Variants in GLI3 observed in about 807,000 individuals in gnomAD.
The protein encoded by GLI3 is transcription activator GLI3.
Under a neutral mutation model 100.8 loss-of-function variants are expected in GLI3, and 20 were observed. The ratio of observed to expected loss-of-function variants is 0.20; its 90% CI spans 0.14 to 0.29. The LOEUF (loss-of-function observed/expected upper bound fraction) is 0.29. GLI3 is among the 10% of genes least tolerant of loss of function. The probability of loss-of-function intolerance (pLI) is 1.00; values close to 1 mark genes in which losing one functional copy is unlikely to be tolerated. For missense variants in GLI3, 2,040 were observed against 2,128.5 expected (o/e 0.96, Z 0.82); for synonymous variants, 938 against 860.5 (o/e 1.09, Z -1.58).
chr7:42,023,640 A>G, intron 9 of GLI3, 32 bp from the exon 10 acceptor site: 5 of 1,593,380 alleles, frequency 3.1e-6, no homozygotes, highest in Non-Finnish European at 4.3e-6. Context: ...CAGGGAACAG[A>G]GAAGGGGGAA....
Position 42,119,858 on chromosome 7 carries a change from C to A in GLI3, c.367+28368G>T, listed in dbSNP as rs563458154. 2.2e-4 allele frequency among the ~76,000 whole-genome samples: 34 copies of A among 152,236 alleles called. No homozygotes were observed. The South Asian group carries it at 6.6e-3, about 30-fold the overall frequency. On this transcript the variant is annotated intron_variant, in intron 3 of 14. Coordinates refer to ENST00000395925, the MANE Select transcript of GLI3 (RefSeq NM_000168.6). ...CAACATTAAGTGCAATAACTTTCTACCCCCTGTTTGGTTCCCAGTGTGAAA... is the reference window on the plus strand; with the variant it reads ...CAACATTAAGTGCAATAACTTTCTAACCCCTGTTTGGTTCCCAGTGTGAAA...
chr7:42,025,726 A>C (rs1789092549), intron 8 of GLI3, among the ~76,000 whole-genome samples: 1 of 152,216 alleles, frequency 6.6e-6, no homozygotes, highest in Non-Finnish European at 1.5e-5. Flanking sequence ...CCATTTGTGA[A>C]GTTCTTTAAT....
chr7:42,243,185 G>C (rs775718715), intron 1 of GLI3, among the ~76,000 whole-genome samples: 2 of 152,168 alleles, frequency 1.3e-5, no homozygotes, highest in Non-Finnish European at 2.9e-5. Flanking sequence ...CTCCTAGCAA[G>C]GGAAAGGAAG....
intron 1 of GLI3, among the ~76,000 whole-genome samples, chr7:42,254,265 G>A (rs62443839): frequency 0.024 from 3,663 of 150,194 alleles, 62 homozygotes; most frequent in Middle Eastern, 0.035. Context: ...CCTTGGGCAC[G>A]AATGTAGGGT....
chr7:42,095,662 G>C (rs1429059495), intron 3 of GLI3, among the ~76,000 whole-genome samples: 7 of 152,146 alleles, frequency 4.6e-5, no homozygotes, highest in African/African-American at 1.7e-4. Flanking sequence ...CTGGGACCAA[G>C]GCAGCAACAG....
intron 2 of GLI3, among the ~76,000 whole-genome samples, chr7:42,198,763 CACACACAT>C (rs150838245): frequency 2.8e-4 from 43 of 152,072 alleles, no homozygotes; most frequent in Non-Finnish European, 5.4e-4. Flanking sequence ...CATATGCACA[CACACACAT>C]ACACACACAC....
At chr7:42,122,181 T>TTA (rs915325985) in intron 3 of GLI3, among the ~76,000 whole-genome samples, 3 of 147,384 alleles carry the variant, frequency 2.0e-5, no homozygotes, top group African/African-American at 5.0e-5. Flanking sequence ...GATAGCATGC[T>TTA]TATATATATT....
At chr7:42,190,722 GA>G (rs1787811332) in intron 2 of GLI3, among the ~76,000 whole-genome samples, 1 of 151,738 alleles carries the variant, frequency 6.6e-6, no homozygotes, top group Non-Finnish European at 1.5e-5. Context: ...GTATTGTGAG[GA>G]CAAAAAAGAA....
rs779071886 is a variant in GLI3 at position 42,042,508 on chromosome 7, T to C, written c.827-2269A>G. Among the ~76,000 whole-genome samples the C allele has an allele frequency of 1.4e-4, 21 of 152,286 alleles. 1 individual carries two copies. Among genetic ancestry groups the C allele is most frequent in the Admixed American group, 2.6e-4 (4 of 15,298 alleles). ...ACTTCCATATAATCCTGGACAATAA[T>C]TGCCCTTCTCAATGGTACTCAGTGA... On this transcript the variant is annotated intron_variant, in intron 6 of 14. Transcript: ENST00000395925.
At chr7:42,212,449 A>G (rs1032286792) in intron 2 of GLI3, among the ~76,000 whole-genome samples, 4 of 152,226 alleles carry the variant, frequency 2.6e-5, no homozygotes, top group African/African-American at 9.6e-5. Context: ...AAATTCCAAA[A>G]TATTTAACCC....
intron 3 of GLI3, among the ~76,000 whole-genome samples, chr7:42,100,304 T>C (rs1185608779): frequency 1.3e-5 from 2 of 152,224 alleles, no homozygotes; most frequent in East Asian, 1.9e-4. Context: ...ACTGTGTCCC[T>C]TTAAAAGATA....
chr7:41,968,267 G>A (rs1343465599), intron 13 of GLI3, among the ~76,000 whole-genome samples: 1 of 152,108 alleles, frequency 6.6e-6, no homozygotes, highest in Non-Finnish European at 1.5e-5. Context: ...ACATTACTTA[G>A]CCACTCTAAA....
intron 1 of GLI3, among the ~76,000 whole-genome samples, chr7:42,246,641 A>G (rs1029120095): frequency 6.6e-6 from 1 of 150,984 alleles, no homozygotes; most frequent in African/African-American, 2.5e-5. Context: ...ACAAAACAAA[A>G]CACTACATTG....
chr7:42,124,888 A>G (rs1234113765), intron 3 of GLI3, among the ~76,000 whole-genome samples: 1 of 152,198 alleles, frequency 6.6e-6, no homozygotes, highest in Non-Finnish European at 1.5e-5. Context: ...AATAAAATCT[A>G]GCGGTTTGAT....
intron 2 of GLI3, among the ~76,000 whole-genome samples, chr7:42,194,425 C>G (rs1299384482): frequency 6.6e-6 from 1 of 152,176 alleles, no homozygotes; most frequent in Non-Finnish European, 1.5e-5. Context: ...GGGTTCAGGC[C>G]TACATCCAAC....
At chr7:42,245,398 A>G (rs1788960760) in intron 1 of GLI3, among the ~76,000 whole-genome samples, 1 of 152,164 alleles carries the variant, frequency 6.6e-6, no homozygotes, top group Non-Finnish European at 1.5e-5. Context: ...ATGGAATTTT[A>G]AGATCTACCT....
At chr7:42,160,818 T>C (rs1583610367) in intron 2 of GLI3, among the ~76,000 whole-genome samples, 2 of 152,278 alleles carry the variant, frequency 1.3e-5, no homozygotes, top group South Asian at 4.1e-4. Context: ...AGTGGACGCC[T>C]TCACCAAGCA....
At chr7:41,982,337 T>C (rs1445961519) in intron 10 of GLI3, among the ~76,000 whole-genome samples, 1 of 152,226 alleles carries the variant, frequency 6.6e-6, no homozygotes, top group Admixed American at 6.5e-5. Context: ...ACATATTTCC[T>C]AGAACTAGAT....
chr7:42,001,990 A>G (rs1446418069), intron 10 of GLI3, among the ~76,000 whole-genome samples: 20 of 152,082 alleles, frequency 1.3e-4, no homozygotes, highest in Non-Finnish European at 2.9e-4. Context: ...AAGCAAAAAC[A>G]CTATTTTTAA....
Sources: gnomAD v4.1 joint callset for allele counts (sites outside exome capture counted in the v4.1 genomes callset) on GRCh38, gnomAD v4.1.1 for gene constraint, MANE v1.5 for transcripts, NCBI Gene and HGNC (gene_info 2026-07-23, HGNC 2026-07-21) for gene names.